Variants in CDC14B observed in about 807,000 individuals in gnomAD.
The protein encoded by CDC14B is dual specificity protein phosphatase CDC14B.
A neutral mutation model predicts 64.2 loss-of-function variants in CDC14B; 22 were observed. That is an observed-to-expected ratio of 0.34 (90% confidence interval 0.24 to 0.49). The LOEUF (loss-of-function observed/expected upper bound fraction) is 0.49, where lower values mean the gene tolerates loss of function less well. Among genes scored for constraint, CDC14B ranks in the 20% least tolerant of loss-of-function variants. CDC14B has a pLI of 0.99. For synonymous variants in CDC14B, 191 were observed against 215.8 expected, an observed-to-expected ratio of 0.89 and a Z score of 1.01; for missense variants, 498 against 629.9, an observed-to-expected ratio of 0.79 and a Z score of 2.24.
In CDC14B at chr9:96,507,997, T is replaced by TA. The variant is rs1834393951; in HGVS notation, c.1460+1675dup. On this transcript the variant is annotated intron_variant, in intron 13 of 13. Coordinates refer to ENST00000375241, the MANE Select transcript of CDC14B (RefSeq NM_033331.4). ...TATAGTATACTTACGCTTACAAAATTAGAGTCATACTTCAGAATTTTTTTT... is the reference window on the plus strand; with the variant it reads ...TATAGTATACTTACGCTTACAAAATTAAGAGTCATACTTCAGAATTTTTTTT... Among the ~76,000 whole-genome samples, 3 of 152,100 alleles carry TA rather than the reference T, an allele frequency of 2.0e-5. No individual in the cohort carries two copies. The South Asian group carries it at 6.2e-4, about 32-fold the overall frequency.
chr9:96,602,830 C>A (rs774583409), intron 1 of CDC14B, among the ~76,000 whole-genome samples: 1 of 152,042 alleles, frequency 6.6e-6, no homozygotes, highest in African/African-American at 2.4e-5. Flanking sequence ...TCTCTCTCTG[C>A]GTTCTTTTTT....
At chr9:96,497,123 C>T (rs907330622), downstream of CDC14B, among the ~76,000 whole-genome samples, 1 of 152,234 alleles carries the variant, frequency 6.6e-6, no homozygotes, top group Non-Finnish European at 1.5e-5. Context: ...GGCCCTCCCA[C>T]GCGGAGTCGT....
At chr9:96,598,421 C>T (rs1434789464) in intron 1 of CDC14B, among the ~76,000 whole-genome samples, 1 of 152,170 alleles carries the variant, frequency 6.6e-6, no homozygotes, top group East Asian at 1.9e-4. Context: ...ATTGCAAGCT[C>T]CACCTCCTGG....
chr9:96,613,917 A>AT (rs1847469023), intron 1 of CDC14B, among the ~76,000 whole-genome samples: 1 of 152,188 alleles, frequency 6.6e-6, no homozygotes, highest in South Asian at 2.1e-4. Context: ...TAATGAATAA[A>AT]TTTTCCCTGT....
Position 96,503,658 on chromosome 9 carries a change from G to T in CDC14B, c.*95C>A. Reference sequence around the variant, plus strand: ...TTCTTAGGTGGAAAAAGCAACTAAGGCTTTTGCAATTTTGTTTTGTTTTCA... The same window carrying T: ...TTCTTAGGTGGAAAAAGCAACTAAGTCTTTTGCAATTTTGTTTTGTTTTCA... On this transcript the variant is annotated 3_prime_UTR_variant, in exon 14 of 14. Coordinates refer to ENST00000375241, the MANE Select transcript of CDC14B (RefSeq NM_033331.4). 2 of 1,122,182 alleles carry T rather than the reference G, an allele frequency of 1.8e-6. No homozygotes were observed. The highest frequency in any genetic ancestry group is 2.7e-6 in the Non-Finnish European group (2 of 748,574). The allele number at this position is 1,122,182 out of a possible 1,614,324, so 69.5% of individuals were successfully genotyped here.
Position 96,518,757 on chromosome 9 carries a change from A to G in CDC14B, c.1343+3749T>C, listed in dbSNP as rs555262886. Reference sequence around the variant, plus strand: ...TCTACCGATCCCAGCCTTCACCTTCAGTTCCTTAAAGGCAGAATGGCCCGA... The same window carrying G: ...TCTACCGATCCCAGCCTTCACCTTCGGTTCCTTAAAGGCAGAATGGCCCGA... On this transcript the variant is annotated intron_variant, in intron 12 of 13. Coordinates refer to ENST00000375241, the MANE Select transcript of CDC14B (RefSeq NM_033331.4). 2.8e-4 allele frequency among the ~76,000 whole-genome samples: 43 copies of G among 152,348 alleles called. No individual in the cohort carries two copies. In the South Asian group the frequency reaches 8.9e-3, roughly 32 times the overall value.
chr9:96,511,955 T>C (rs927872767), intron 12 of CDC14B, among the ~76,000 whole-genome samples: 3 of 152,126 alleles, frequency 2.0e-5, no homozygotes, highest in Non-Finnish European at 4.4e-5. Context: ...AACAAGTCTT[T>C]ATGCCCAAAA....
intron 1 of CDC14B, among the ~76,000 whole-genome samples, chr9:96,576,287 A>C (rs1481402982): frequency 2.6e-5 from 4 of 151,854 alleles, no homozygotes; most frequent in African/African-American, 9.7e-5. Flanking sequence ...TCTCAAAAAA[A>C]AAGAATTCAC....
Position 96,541,852 on chromosome 9 carries a change from G to A in CDC14B, c.538C>T (p.Leu180Phe), listed in dbSNP as rs750731193. The A allele has an allele frequency of 2.5e-6, 4 of 1,608,728 alleles. No individual in the cohort carries two copies. The highest frequency in any genetic ancestry group is 2.2e-5 in the East Asian group (1 of 44,752). ...TTCTTTACTGCATGAAAACAGTCAA[G>A]AAGTGTAATGTAGAAATTGCAACTT... ...YGSCNFYITL[L>F]DCFHAVKKAM... Residue 180 changes from leucine (L) to phenylalanine (F), a missense_variant, in exon 6 of 14, where the codon CTT (leucine) becomes TTT (phenylalanine). Leu to Phe is a conservative substitution (Grantham distance 22). Transcript: ENST00000375241.
At chr9:96,566,815 A>G (rs565147100) in intron 1 of CDC14B, 5 of 1,605,788 alleles carry the variant, frequency 3.1e-6, no homozygotes, top group Non-Finnish European at 3.4e-6. Context: ...CTCCCGGCTC[A>G]TGACTCCAAA....
chr9:96,571,329 C>A (rs557587162), intron 1 of CDC14B, among the ~76,000 whole-genome samples: 95 of 152,150 alleles, frequency 6.2e-4, no homozygotes, highest in African/African-American at 2.2e-3. Context: ...GCGTGTGCCA[C>A]CACACCTGGC....
chr9:96,530,423 C>A (rs1395311703), intron 9 of CDC14B, among the ~76,000 whole-genome samples: 13 of 149,030 alleles, frequency 8.7e-5, no homozygotes, highest in Non-Finnish European at 1.8e-4. Flanking sequence ...ATGCGCCACG[C>A]CCGGCTAATT....
rs148453366 is a variant in CDC14B, at chr9:96,593,379, C to T, written c.160+25840G>A. Among the ~76,000 whole-genome samples, 792 of 151,020 alleles carry T rather than the reference C, an allele frequency of 5.2e-3. 4 individuals carry two copies. The highest frequency in any genetic ancestry group is 0.014 in the Middle Eastern group (4 of 292). On this transcript the variant is annotated intron_variant, in intron 1 of 13. Coordinates refer to ENST00000375241, the MANE Select transcript of CDC14B (RefSeq NM_033331.4). Reference sequence around the variant, plus strand: ...GTGCACACCTGTAGTACCAGCTGGTCGGGAGACTGAGGCAGGAGAATTTCT... The same window carrying T: ...GTGCACACCTGTAGTACCAGCTGGTTGGGAGACTGAGGCAGGAGAATTTCT...
In CDC14B at chr9:96,533,987, C is replaced by T. The variant is rs763407085; in HGVS notation, c.886G>A (p.Val296Ile). Residue 296 changes from valine to isoleucine, a missense_variant, in exon 9 of 14, where the codon GTC (valine) becomes ATC (isoleucine). By Grantham distance (29) the Val-to-Ile change is conservative. Transcript: ENST00000375241. ...ADGSTPTDAI[V>I]KEFLDICENA... Reference sequence around the variant, plus strand: ...TCACAGATATCTAGGAATTCTTTGACAATGGCATCAGTAGGGGTGCTGCCA... The same window carrying T: ...TCACAGATATCTAGGAATTCTTTGATAATGGCATCAGTAGGGGTGCTGCCA... 4.3e-6 allele frequency: 7 copies of T among 1,613,080 alleles called. No individual in the cohort carries two copies. Among genetic ancestry groups the T allele is most frequent in the Non-Finnish European group, 5.9e-6 (7 of 1,179,454 alleles).
intron 5 of CDC14B, among the ~76,000 whole-genome samples, chr9:96,545,849 C>T (rs923229015): frequency 5.3e-5 from 8 of 152,104 alleles, no homozygotes; most frequent in Non-Finnish European, 1.2e-4. Flanking sequence ...AGAATCTTTG[C>T]TCACTCAAGT....
chr9:96,546,472 G>A (rs1052602858), intron 5 of CDC14B, among the ~76,000 whole-genome samples: 12 of 136,964 alleles, frequency 8.8e-5, no homozygotes, highest in South Asian at 2.1e-4. Context: ...GGGTGGGGAC[G>A]GAGTTTCGCT....
chr9:96,527,922 G>C (rs565518757), intron 9 of CDC14B, among the ~76,000 whole-genome samples: 1 of 151,954 alleles, frequency 6.6e-6, no homozygotes, highest in African/African-American at 2.4e-5. Flanking sequence ...GCCAACTCTG[G>C]ACCCATTAAA....
chr9:96,570,935 TCAA>T (rs1844428660), intron 1 of CDC14B, among the ~76,000 whole-genome samples: 1 of 152,078 alleles, frequency 6.6e-6, no homozygotes, highest in Non-Finnish European at 1.5e-5. Context: ...CAAATATAAA[TCAA>T]CAGTAATTAA....
intron 7 of CDC14B, among the ~76,000 whole-genome samples, chr9:96,535,262 G>A (rs1239274970): frequency 6.6e-6 from 1 of 152,066 alleles, no homozygotes; most frequent in East Asian, 1.9e-4. Context: ...AGCCGAGATT[G>A]TGCCATTGCA....
Sources: allele counts gnomAD v4.1 joint callset (sites outside exome capture counted in the v4.1 genomes callset), GRCh38; gene constraint gnomAD v4.1.1; transcripts MANE v1.5; gene names NCBI Gene and HGNC (gene_info 2026-07-23, HGNC 2026-07-21).